Variants in TENM3 observed in about 807,000 individuals in gnomAD.
TENM3 encodes the protein teneurin transmembrane protein 3.
A neutral mutation model predicts 255.1 loss-of-function variants in TENM3; 63 were observed. The ratio of observed to expected loss-of-function variants is 0.25; its 90% CI spans 0.20 to 0.30. The LOEUF is 0.30. Ranked by LOEUF, TENM3 falls within the 10% of genes least tolerant of loss-of-function variation. The pLI is 1.00. For synonymous variants in TENM3, 1,306 were observed against 1,322.3 expected, an observed-to-expected ratio of 0.99 and a Z score of 0.27; for missense variants, 2,929 against 3,461.1, an observed-to-expected ratio of 0.85 and a Z score of 3.86.
rs960122704 is a variant in TENM3 at position 182,519,418 on chromosome 4, T to C, written c.512-81506T>C. Among the ~76,000 whole-genome samples the C allele has an allele frequency of 1.6e-4, 25 of 152,314 alleles. 2 individuals carry two copies. The highest frequency in any genetic ancestry group is 1.4e-3 in the Admixed American group (21 of 15,296). On this transcript the variant is annotated intron_variant, in intron 3 of 27. Transcript: ENST00000511685. Reference sequence around the variant, plus strand: ...ACATCCCACTACTCAGAAATAAGCATTGTTAATATTTTCATATACTCCCGT... The same window carrying C: ...ACATCCCACTACTCAGAAATAAGCACTGTTAATATTTTCATATACTCCCGT...
chr4:182,480,050 A>T (rs1414335903), intron 3 of TENM3, among the ~76,000 whole-genome samples: 3 of 152,044 alleles, frequency 2.0e-5, no homozygotes, highest in African/African-American at 7.2e-5. Context: ...ATGGATAGCA[A>T]CAGGAAGTAT....
chr4:181,575,066 A>G, the TENM3 span, among the ~76,000 whole-genome samples: 1 of 152,196 alleles, frequency 6.6e-6, no homozygotes, highest in Non-Finnish European at 1.5e-5. Flanking sequence ...GAACATATAA[A>G]ACATAAAGTA....
chr4:182,634,511 G>A lies in TENM3; in HGVS notation c.988+5622G>A, dbSNP rs1751677943. ...CTTACCATTTTCTTTGGATTACTGA[G>A]CCTGCAGCTAAAATCCTGCTCTAAT... is the stretch of plus-strand genomic sequence containing the variant. On this transcript the variant is annotated intron_variant, in intron 5 of 27. Coordinates refer to ENST00000511685, the MANE Select transcript of TENM3 (RefSeq NM_001080477.4). Among the ~76,000 whole-genome samples, 4 of 151,946 alleles carry A rather than the reference G, an allele frequency of 2.6e-5. No individual in the cohort carries two copies. In the South Asian group the frequency reaches 8.3e-4, roughly 32 times the overall value.
At chr4:182,623,462 C>G (rs992698661) in intron 4 of TENM3, among the ~76,000 whole-genome samples, 1 of 144,756 alleles carries the variant, frequency 6.9e-6, no homozygotes, top group Non-Finnish European at 1.5e-5. Context: ...GCCATCACAT[C>G]TGGCTAATTT....
At chr4:182,623,079 C>T (rs1750452268) in intron 4 of TENM3, among the ~76,000 whole-genome samples, 1 of 148,100 alleles carries the variant, frequency 6.8e-6, no homozygotes, top group Non-Finnish European at 1.5e-5. Context: ...GGTGTGATCT[C>T]TGCTCACTGC....
At chr4:181,819,084 A>T in the TENM3 span, among the ~76,000 whole-genome samples, 1 of 152,094 alleles carries the variant, frequency 6.6e-6, no homozygotes, top group Non-Finnish European at 1.5e-5. Context: ...GTGAGCCCCG[A>T]AGGACCTCTC....
chr4:182,205,258 A>G (rs986198276), intron 1 of TENM3, among the ~76,000 whole-genome samples: 1 of 152,254 alleles, frequency 6.6e-6, no homozygotes, highest in African/African-American at 2.4e-5. Flanking sequence ...CTTTGTGACT[A>G]TTGCTCTCCT....
At chr4:181,825,723 T>G in the TENM3 span, among the ~76,000 whole-genome samples, 1 of 152,188 alleles carries the variant, frequency 6.6e-6, no homozygotes, top group East Asian at 1.9e-4. Context: ...ACAAAAAGAT[T>G]CAATTTGTAA....
At chr4:182,144,756 T>TAAGTGCGGC (rs1201306814) in intron 1 of TENM3, 1 of 146,460 alleles carries the variant, frequency 6.8e-6, no homozygotes, top group Non-Finnish European at 1.5e-5. Flanking sequence ...CCGAGCGCGG[T>TAAGTGCGGC]AAGTGCGGCG....
the TENM3 span, among the ~76,000 whole-genome samples, chr4:181,917,540 G>T: frequency 6.6e-6 from 1 of 152,082 alleles, no homozygotes; most frequent in Non-Finnish European, 1.5e-5. Flanking sequence ...AAAGCTCCTG[G>T]TTGGAGCTGG....
At chr4:181,476,205 GGTTTTTTT>G in the TENM3 span, among the ~76,000 whole-genome samples, 10 of 98,070 alleles carry the variant, frequency 1.0e-4, no homozygotes, top group South Asian at 2.7e-3. Flanking sequence ...ACATTTTAGG[GGTTTTTTT>G]TTTTTTTTTT....
intron 4 of TENM3, among the ~76,000 whole-genome samples, chr4:182,616,184 A>G (rs910679387): frequency 1.3e-5 from 2 of 152,252 alleles, no homozygotes; most frequent in Admixed American, 1.3e-4. Context: ...CCCTACCAAA[A>G]CCGGCGCTTC....
At position 182,714,352 on chromosome 4, in the gene TENM3, C is replaced by T. The variant is rs548869123; in HGVS notation, c.2368+119C>T. The T allele has an allele frequency of 1.4e-3, 1,153 of 809,828 alleles. 4 individuals carry two copies. Among genetic ancestry groups the T allele is most frequent in the South Asian group, 5.6e-3 (255 of 45,530 alleles). 50.2% of individuals were successfully genotyped at this position (809,828 alleles called of 1,614,324 possible). Reference sequence around the variant, plus strand: ...AAAAAAAAAAAAACCTGATCCCCATCGATTAGATTGATTGAAAAATGTATG... The same window carrying T: ...AAAAAAAAAAAAACCTGATCCCCATTGATTAGATTGATTGAAAAATGTATG... On this transcript the variant is annotated intron_variant, in intron 13 of 27. Coordinates refer to ENST00000511685, the MANE Select transcript of TENM3 (RefSeq NM_001080477.4).
the TENM3 span, among the ~76,000 whole-genome samples, chr4:181,620,200 G>T: frequency 2.6e-5 from 4 of 152,064 alleles, no homozygotes; most frequent in Non-Finnish European, 4.4e-5. Context: ...AATCGAGGCT[G>T]CAGTGAGCTG....
chr4:181,740,664 C>T, the TENM3 span, among the ~76,000 whole-genome samples: 1 of 151,088 alleles, frequency 6.6e-6, no homozygotes, highest in Non-Finnish European at 1.5e-5. Context: ...ACCAAACCTA[C>T]ACATTCCAAA....
Position 182,628,957 on chromosome 4 carries a change from T to G in TENM3, c.988+68T>G. 4 of 935,732 alleles carry G rather than the reference T, an allele frequency of 4.3e-6. No individual in the cohort carries two copies. The South Asian group carries it at 4.8e-5, about 11-fold the overall frequency. The allele number at this position is 935,732 out of a possible 1,614,324, so 58.0% of individuals were successfully genotyped here. On this transcript the variant is annotated intron_variant, in intron 5 of 27. Transcript: ENST00000511685. The stretch of plus-strand genomic sequence containing the variant: ...TGTTACATTGTTTTATTACTTGTAT[T>G]TATTCATTTGGTCTAGAAATATATT...
At chr4:182,635,558 GT>G (rs1362349384) in intron 5 of TENM3, among the ~76,000 whole-genome samples, 1 of 152,090 alleles carries the variant, frequency 6.6e-6, no homozygotes, top group Admixed American at 6.5e-5. Context: ...ACTCAGCTTT[GT>G]TTTTCTTATG....
At chr4:182,488,280 C>T (rs1233426131) in intron 3 of TENM3, among the ~76,000 whole-genome samples, 3 of 151,848 alleles carry the variant, frequency 2.0e-5, no homozygotes, top group Non-Finnish European at 4.4e-5. Flanking sequence ...CTGTCCAAAT[C>T]GAAAGAGGGT....
At chr4:182,337,579 A>G (rs903847694) in intron 2 of TENM3, among the ~76,000 whole-genome samples, 1 of 152,228 alleles carries the variant, frequency 6.6e-6, no homozygotes, top group Non-Finnish European at 1.5e-5. Context: ...TGAAACTTTC[A>G]TATGTAAAAT....
Sources: allele counts gnomAD v4.1 joint callset (sites outside exome capture counted in the v4.1 genomes callset), GRCh38; gene constraint gnomAD v4.1.1; transcripts MANE v1.5; gene names NCBI Gene and HGNC (gene_info 2026-07-23, HGNC 2026-07-21).